ZNF438: variants seen among roughly 807,000 people sequenced by gnomAD.
ZNF438 encodes zinc finger protein 438.
In ZNF438, 25 loss-of-function variants were observed where a neutral mutation model predicts 38.0. The observed-to-expected ratio is 0.66, with a 90% CI of 0.48 to 0.92. The LOEUF is 0.92. Among genes scored for constraint, ZNF438 ranks in the 40% least tolerant of loss-of-function variants. ZNF438 has a pLI of 0.00. For synonymous variants in ZNF438, 372 were observed against 364.1 expected (o/e 1.02, Z -0.25); for missense variants, 1,007 against 999.6 (o/e 1.01, Z -0.10).
chr10:30,919,392 A>T (rs758021628), intron 2 of ZNF438: 2 of 151,930 alleles, frequency 1.3e-5, no homozygotes, highest in Non-Finnish European at 2.9e-5. Context: ...TTCTTTGTCA[A>T]ATTTTTCCAC....
chr10:30,909,309 T>C (rs1396548118), intron 2 of ZNF438, among the ~76,000 whole-genome samples: 2 of 152,234 alleles, frequency 1.3e-5, no homozygotes, highest in Non-Finnish European at 2.9e-5. Context: ...CTGATTATTA[T>C]GTAATCATCA....
At chr10:30,902,137 T>C (rs778258818) in intron 3 of ZNF438, among the ~76,000 whole-genome samples, 67 of 152,054 alleles carry the variant, frequency 4.4e-4, no homozygotes, top group Non-Finnish European at 7.6e-4. Context: ...CCTGAGAGGG[T>C]TGCCATGGCT....
chr10:30,930,389 A>G (rs1206395544), intron 2 of ZNF438, among the ~76,000 whole-genome samples: 1 of 152,056 alleles, frequency 6.6e-6, no homozygotes, highest in African/African-American at 2.4e-5. Context: ...CTGCGAGTGC[A>G]GTGCGCAGCC....
intron 1 of ZNF438, among the ~76,000 whole-genome samples, chr10:30,951,730 C>G (rs1186770067): frequency 6.6e-6 from 1 of 150,552 alleles, no homozygotes; most frequent in Non-Finnish European, 1.5e-5. Flanking sequence ...CTATAAACCA[C>G]TGCTCAATGA....
chr10:30,914,179 G>A (rs886997344), intron 2 of ZNF438, among the ~76,000 whole-genome samples: 1 of 152,034 alleles, frequency 6.6e-6, no homozygotes, highest in African/African-American at 2.4e-5. Context: ...ACAATCTCAA[G>A]AGAATGAAAA....
intron 1 of ZNF438, among the ~76,000 whole-genome samples, chr10:30,995,289 C>T (rs1466919434): frequency 1.3e-5 from 2 of 152,024 alleles, no homozygotes; most frequent in African/African-American, 4.8e-5. Flanking sequence ...CAAAGCAGCC[C>T]CCAATACGAT....
chr10:30,864,977 A>T (rs2036187422), intron 4 of ZNF438, among the ~76,000 whole-genome samples: 2 of 152,214 alleles, frequency 1.3e-5, no homozygotes, highest in South Asian at 4.1e-4. Flanking sequence ...TTCTTGCAAG[A>T]TCACAAAGCA....
chr10:30,909,136 C>A (rs961375640), intron 2 of ZNF438, 121 bp from the exon 4 acceptor site: 2 of 152,060 alleles, frequency 1.3e-5, no homozygotes, highest in African/African-American at 4.8e-5. Context: ...GGATCTTACA[C>A]AAAAGTCATA....
chr10:30,845,649 C>T (rs2132592010), intron 5 of ZNF438, 76 bp from the exon 7 acceptor site: 2 of 1,511,888 alleles, frequency 1.3e-6, no homozygotes, highest in East Asian at 4.5e-5. Flanking sequence ...AGCTGTCAGC[C>T]TTCAGGGATC....
intron 4 of ZNF438, among the ~76,000 whole-genome samples, chr10:30,851,961 C>T (rs1373538197): frequency 6.6e-6 from 1 of 151,864 alleles, no homozygotes; most frequent in East Asian, 2.0e-4. Context: ...GAGCTTGAAA[C>T]CAACCTGGCC....
rs570088897 is a variant in ZNF438 at position 30,958,684 on chromosome 10, A to C, written c.-191-17033T>G. Reference sequence around the variant, plus strand: ...CATCACTACAATCCAGTTTTCCATTATCTCTCCCAATTCCCTTGAGTTCAT... The same window carrying C: ...CATCACTACAATCCAGTTTTCCATTCTCTCTCCCAATTCCCTTGAGTTCAT... On this transcript the variant is annotated intron_variant, in intron 1 of 5. Transcript: ENST00000413025. 6.8e-5 allele frequency among the ~76,000 whole-genome samples: 10 copies of C among 146,904 alleles called. 2 individuals carry two copies. The highest frequency in any genetic ancestry group is 1.5e-4 in the African/African-American group (6 of 41,172).
At chr10:30,916,005 A>C (rs551519506) in intron 2 of ZNF438, among the ~76,000 whole-genome samples, 1 of 152,196 alleles carries the variant, frequency 6.6e-6, no homozygotes, top group East Asian at 1.9e-4. Flanking sequence ...CACATAAGTG[A>C]AAATCCATAA....
intron 2 of ZNF438, among the ~76,000 whole-genome samples, chr10:30,913,294 T>C (rs2043264950): frequency 6.6e-6 from 1 of 152,058 alleles, no homozygotes; most frequent in Non-Finnish European, 1.5e-5. Context: ...TCCAGTCCAA[T>C]TTCATACCAT....
At chr10:31,016,911 T>G (rs920076837) in intron 1 of ZNF438, among the ~76,000 whole-genome samples, 9 of 152,214 alleles carry the variant, frequency 5.9e-5, no homozygotes, top group Non-Finnish European at 1.2e-4. Context: ...AAGGGATAAC[T>G]TGAAGTCTCA....
At chr10:30,918,359 G>A (rs1265442078) in intron 2 of ZNF438, among the ~76,000 whole-genome samples, 2 of 152,130 alleles carry the variant, frequency 1.3e-5, no homozygotes, top group Non-Finnish European at 2.9e-5. Context: ...GATCAATTTT[G>A]AGGGAAATGT....
intron 1 of ZNF438, among the ~76,000 whole-genome samples, chr10:30,977,304 T>C (rs1196779775): frequency 6.6e-6 from 1 of 152,234 alleles, no homozygotes; most frequent in Non-Finnish European, 1.5e-5. Context: ...GTATAAACTT[T>C]CTGCCATAAC....
intron 1 of ZNF438, among the ~76,000 whole-genome samples, chr10:31,013,314 G>A (rs1467796900): frequency 2.0e-5 from 3 of 150,026 alleles, no homozygotes; most frequent in Admixed American, 1.3e-4. Context: ...GCGAGACTCC[G>A]TCTCAAAAAA....
chr10:30,974,860 A>C (rs536409166), intron 1 of ZNF438, among the ~76,000 whole-genome samples: 22 of 152,338 alleles, frequency 1.4e-4, no homozygotes, highest in African/African-American at 5.1e-4. Context: ...GGTTTGCCAC[A>C]GTTAGAAACA....
chr10:30,958,680 C>T (rs893754974), intron 1 of ZNF438, among the ~76,000 whole-genome samples: 1 of 146,802 alleles, frequency 6.8e-6, no homozygotes, highest in Non-Finnish European at 1.5e-5. Flanking sequence ...TCCAGTTTTC[C>T]ATTATCTCTC....
Sources: allele counts gnomAD v4.1 joint callset (sites outside exome capture counted in the v4.1 genomes callset), GRCh38; gene constraint gnomAD v4.1.1; transcripts MANE v1.5; gene names NCBI Gene and HGNC (gene_info 2026-07-23, HGNC 2026-07-21).